The following PIWIL3 variants were observed in gnomAD, a reference collection of about 807,000 sequenced individuals.
The protein encoded by PIWIL3 is piwi like RNA-mediated gene silencing 3.
In PIWIL3, 101 loss-of-function variants were observed where a neutral mutation model predicts 109.7. That is an observed-to-expected ratio of 0.92 (90% CI 0.78 to 1.09). The LOEUF (loss-of-function observed/expected upper bound fraction) is 1.09. PIWIL3 is among the 50% of genes least tolerant of loss of function. PIWIL3 has a pLI of 0.00. For synonymous variants in PIWIL3, 373 were observed against 376.4 expected (o/e 0.99, Z 0.10); for missense variants, 1,031 against 1,072.6 (o/e 0.96, Z 0.54).
rs1924364000 is a variant in PIWIL3, at chr22:24,746,298, T to C, written c.1449+2609A>G. On this transcript the variant is annotated intron_variant, in intron 12 of 20. Coordinates refer to ENST00000616349, the MANE Select transcript of PIWIL3 (RefSeq NM_001255975.1). Reference sequence around the variant, plus strand: ...TATGTAGGCAAATCAACATGATATATCCACAGAATGAAGGACAAACTCATA... The same window carrying C: ...TATGTAGGCAAATCAACATGATATACCCACAGAATGAAGGACAAACTCATA... 2.0e-5 allele frequency among the ~76,000 whole-genome samples: 3 copies of C among 152,174 alleles called. No individual in the cohort carries two copies. The South Asian group carries it at 6.2e-4, about 31-fold the overall frequency.
At chr22:24,763,620 G>A (rs528376750) in intron 1 of PIWIL3, among the ~76,000 whole-genome samples, 21 of 152,196 alleles carry the variant, frequency 1.4e-4, no homozygotes, top group Middle Eastern at 3.4e-3. Flanking sequence ...AGAAATTTAA[G>A]GAAACTATGG....
intron 9 of PIWIL3, 59 bp from the exon 10 acceptor site, chr22:24,749,878 C>CTT (rs1924602011): frequency 1.2e-6 from 2 of 1,612,840 alleles, no homozygotes; most frequent in African/African-American, 2.7e-5. Context: ...ACATCACACA[C>CTT]AGAGGTTCAA....
intron 18 of PIWIL3, among the ~76,000 whole-genome samples, 165 bp downstream of exon 18, chr22:24,724,722 C>G (rs1049504366): frequency 2.0e-5 from 3 of 152,008 alleles, no homozygotes; most frequent in Admixed American, 2.0e-4. Flanking sequence ...CAAGCATGAG[C>G]CACCGCACCC....
In PIWIL3 at chr22:24,728,268, A is replaced by C. The variant is rs538177472; in HGVS notation, c.1814T>G (p.Leu605Ter). The stretch of plus-strand genomic sequence containing the variant: ...GATGGTCCTTGCCTGGACTTTTTCT[A>C]AGGTCTTTTTCACCACACACTGGCT... Reference protein sequence around the residue: ...IPSQCVVKKTLEKVQARTIVT... With the variant: ...IPSQCVVKKT Residue 605 changes from leucine to a stop codon, truncating the protein, a stop_gained, in exon 15 of 21, where the codon TTA becomes TGA. Coordinates refer to ENST00000616349, the MANE Select transcript of PIWIL3 (RefSeq NM_001255975.1). LOFTEE classifies it high-confidence loss of function. The C allele has an allele frequency of 2.1e-5, 34 of 1,614,162 alleles. No homozygotes were observed. The South Asian group carries it at 3.6e-4, about 17-fold the overall frequency.
At chr22:24,738,468 G>A (rs1287213588) in intron 12 of PIWIL3, among the ~76,000 whole-genome samples, 1 of 152,224 alleles carries the variant, frequency 6.6e-6, no homozygotes, top group Non-Finnish European at 1.5e-5. Flanking sequence ...CTGGCTTCAG[G>A]TTGACCCCGT....
intron 12 of PIWIL3, among the ~76,000 whole-genome samples, chr22:24,746,086 C>T (rs1293859780): frequency 6.6e-6 from 1 of 152,170 alleles, no homozygotes; most frequent in Non-Finnish European, 1.5e-5. Flanking sequence ...GGAGGGAATA[C>T]TTCCAAGTCA....
chr22:24,753,045 A>G (rs370411033), intron 8 of PIWIL3, among the ~76,000 whole-genome samples: 1 of 152,174 alleles, frequency 6.6e-6, no homozygotes, highest in Non-Finnish European at 1.5e-5. Flanking sequence ...TATTGTTTGT[A>G]TATTCTAGAT....
At chr22:24,771,922 C>T (rs555103919) in intron 1 of PIWIL3, among the ~76,000 whole-genome samples, 1 of 152,278 alleles carries the variant, frequency 6.6e-6, no homozygotes, top group South Asian at 2.1e-4. Flanking sequence ...TCTCTTACTC[C>T]TGACCTCGTG....
intron 1 of PIWIL3, among the ~76,000 whole-genome samples, chr22:24,771,939 C>A (rs952657994): frequency 2.6e-5 from 4 of 152,182 alleles, no homozygotes; most frequent in African/African-American, 9.7e-5. Context: ...CGTGATCCAC[C>A]TGCATTGGCC....
intron 12 of PIWIL3, among the ~76,000 whole-genome samples, chr22:24,740,666 T>C (rs990381182): frequency 1.3e-5 from 2 of 151,694 alleles, no homozygotes; most frequent in East Asian, 1.9e-4. Flanking sequence ...CTAGAGGAGA[T>C]GGATAAATTC....
intron 1 of PIWIL3, among the ~76,000 whole-genome samples, chr22:24,772,000 C>A (rs948446812): frequency 2.0e-5 from 3 of 152,278 alleles, no homozygotes; most frequent in African/African-American, 7.2e-5. Context: ...CGGCCTATTT[C>A]TCTTAATGAA....
At position 24,749,744 on chromosome 22, in the gene PIWIL3, C is replaced by T; in HGVS notation, c.1165G>A (p.Gly389Ser). The T allele has an allele frequency of 6.2e-7, 1 of 1,613,434 alleles. No homozygotes were observed. Among genetic ancestry groups the T allele is most frequent in the Non-Finnish European group, 8.5e-7 (1 of 1,179,866 alleles). ...AGCAGGATAGGTTCACGTTGTGTAC[C>T]CGTTAGGCCCTTTTTCCATCTGCCC... ...SQGRWKKGLT[G>S]TQREPILLIP... The change falls in exon 10 of 21, where the codon GGT becomes AGT. Residue 389 changes from glycine (G) to serine (S), a missense_variant. By Grantham distance (56) the Gly-to-Ser change is moderately conservative. Coordinates refer to ENST00000616349, the MANE Select transcript of PIWIL3 (RefSeq NM_001255975.1).
chr22:24,726,507 G>A (rs1246350764), intron 16 of PIWIL3, among the ~76,000 whole-genome samples: 2 of 152,016 alleles, frequency 1.3e-5, no homozygotes, highest in East Asian at 1.9e-4. Flanking sequence ...GTATGGTCTC[G>A]ATCTCCTGAC....
rs763015402 is a variant in PIWIL3, at chr22:24,728,068, T to G, written c.1906-15A>C. 2.5e-6 allele frequency: 4 copies of G among 1,612,646 alleles called. No homozygotes were observed. In the African/African-American group the frequency reaches 5.3e-5, roughly 22 times the overall value. ...GTTCTTTGTACCTTAAGTTTGTTTT[T>G]GAAAAGGTAATGGAGTTAGAACGTG... On this transcript the variant is annotated splice_polypyrimidine_tract_variant and intron_variant, in intron 15 of 20. Transcript: ENST00000616349.
chr22:24,755,002 CATGATGAGGTGGATATTA>C (rs1924940507), intron 6 of PIWIL3, 138 bp from the exon 7 acceptor site: 4 of 663,236 alleles, frequency 6.0e-6, no homozygotes, highest in Non-Finnish European at 1.1e-5. Flanking sequence ...AACTAAGTTA[CATGATGAGGTGGATATTA>C]AGGTTCATTT....
intron 7 of PIWIL3, among the ~76,000 whole-genome samples, chr22:24,754,530 A>G (rs1924903626): frequency 1.3e-5 from 2 of 152,218 alleles, no homozygotes; most frequent in South Asian, 4.1e-4. Context: ...CAAATTATAC[A>G]TTTTGGATGA....
chr22:24,732,755 G>A (rs905963882), intron 14 of PIWIL3, among the ~76,000 whole-genome samples: 9 of 152,220 alleles, frequency 5.9e-5, no homozygotes, highest in Non-Finnish European at 1.0e-4. Context: ...CCTGGGAGGC[G>A]GAGCTTGAGC....
At chr22:24,727,657 G>A (rs766866182) in intron 16 of PIWIL3, among the ~76,000 whole-genome samples, 26 of 152,168 alleles carry the variant, frequency 1.7e-4, no homozygotes, top group Non-Finnish European at 2.5e-4. Context: ...TCCTGAGAGC[G>A]TGAACTACCA....
chr22:24,723,232 A>T lies in PIWIL3; in HGVS notation c.2255T>A (p.Val752Glu), dbSNP rs764110228. 6.2e-7 allele frequency: 1 copy of T among 1,611,222 alleles called. No homozygotes were observed. Among genetic ancestry groups the T allele is most frequent in the Non-Finnish European group, 8.5e-7 (1 of 1,177,992 alleles). The change falls in exon 19 of 21, where the codon GTG (valine) becomes GAG (glutamate). Residue 752 changes from valine to glutamate, a missense_variant. Transcript: ENST00000616349. ...PNNFTLAFIV[V>E]KKRINTRFFL... The stretch of plus-strand genomic sequence containing the variant: ...AAATCTAGTGTTTATTCGTTTCTTC[A>T]CCACAATGAAAGCTAGAGTGAAACT...
Sources: allele counts gnomAD v4.1 joint callset (sites outside exome capture counted in the v4.1 genomes callset), GRCh38; gene constraint gnomAD v4.1.1; transcripts MANE v1.5; gene names NCBI Gene and HGNC (gene_info 2026-07-23, HGNC 2026-07-21).